RNF43: variants seen among roughly 807,000 people sequenced by gnomAD.
The protein encoded by RNF43 is E3 ubiquitin-protein ligase RNF43.
In RNF43, 37 loss-of-function variants were observed where a neutral mutation model predicts 78.4. The ratio of observed to expected loss-of-function variants is 0.47; its 90% CI spans 0.36 to 0.62. The LOEUF is 0.62. RNF43 is among the 20% of genes least tolerant of loss of function. The probability of loss-of-function intolerance (pLI) is 0.00; values close to 1 mark genes in which losing one functional copy is unlikely to be tolerated. For missense variants in RNF43, 774 were observed against 1,007.9 expected (o/e 0.77, Z 3.14); for synonymous variants, 347 against 395.0 (o/e 0.88, Z 1.44).
At chr17:58,407,960 C>T (rs1405794352) in intron 2 of RNF43, among the ~76,000 whole-genome samples, 1 of 152,182 alleles carries the variant, frequency 6.6e-6, no homozygotes, top group African/African-American at 2.4e-5. Flanking sequence ...GATGCAGTTT[C>T]ACTTCATATT....
At chr17:58,416,099 G>T (rs887418135) in intron 1 of RNF43, 137 bp from the exon 2 acceptor site, 5 of 171,654 alleles carry the variant, frequency 2.9e-5, no homozygotes, top group African/African-American at 1.2e-4. Flanking sequence ...AATGGTAAAT[G>T]ACTAAATACC....
At chr17:58,402,513 G>T (rs1260314521) in intron 2 of RNF43, 2 of 152,160 alleles carry the variant, frequency 1.3e-5, no homozygotes, top group East Asian at 3.9e-4. Context: ...ACAGGTTCCG[G>T]AAAGGCTTGG....
At chr17:58,398,431 A>G (rs1973728277) in intron 2 of RNF43, among the ~76,000 whole-genome samples, 1 of 152,238 alleles carries the variant, frequency 6.6e-6, no homozygotes, top group Non-Finnish European at 1.5e-5. Flanking sequence ...CTGGTTAATA[A>G]GCATAGCAGA....
chr17:58,395,771 A>G (rs8078280), intron 2 of RNF43, among the ~76,000 whole-genome samples: 28,268 of 152,154 alleles, frequency 0.19, 2,734 homozygotes, highest in Non-Finnish European at 0.2. Context: ...GGATGACTAT[A>G]AACATTTTAT....
chr17:58,362,117 A>C (rs1421438518), intron 6 of RNF43, among the ~76,000 whole-genome samples: 1 of 151,198 alleles, frequency 6.6e-6, no homozygotes, highest in Non-Finnish European at 1.5e-5. Context: ...AAACAAAAAA[A>C]AACCTTGTTC....
chr17:58,396,468 T>G (rs920419603), intron 2 of RNF43, among the ~76,000 whole-genome samples: 1 of 152,152 alleles, frequency 6.6e-6, no homozygotes, highest in Non-Finnish European at 1.5e-5. Flanking sequence ...GAGGTCAGAT[T>G]TAACTGTTTT....
At chr17:58,387,575 G>A (rs753814368) in intron 2 of RNF43, among the ~76,000 whole-genome samples, 6 of 151,774 alleles carry the variant, frequency 4.0e-5, no homozygotes, top group East Asian at 1.9e-4. Flanking sequence ...CAGGAGAATC[G>A]CTTGAACCTG....
chr17:58,363,923 G>T (rs556234628), intron 3 of RNF43, among the ~76,000 whole-genome samples: 1 of 152,194 alleles, frequency 6.6e-6, no homozygotes, highest in Non-Finnish European at 1.5e-5. Context: ...CACAGCTCCT[G>T]CCCTCAGGGT....
rs1414269308 is a variant in RNF43, at chr17:58,362,644, T to A, written c.587A>T (p.Asp196Val). 2.5e-6 allele frequency: 4 copies of A among 1,609,506 alleles called. No individual in the cohort carries two copies. Among genetic ancestry groups the A allele is most frequent in the South Asian group, 1.1e-5 (1 of 90,500 alleles). The change falls in exon 6 of 10, where the codon GAT becomes GTT. Residue 196 changes from aspartate to valine, a missense_variant. Physicochemically the swap from Asp to Val is radical, Grantham distance 152 (BLOSUM62 -3). Transcript: ENST00000407977. ...IELKEPPAWP[D>V]YDVWILMTVV... is the part of the protein sequence containing the mutation. ...TGTCATTAGGATCCACACATCATAA[T>A]CTGGCTGGGGAGTGAGCAGAGAGGG...
intron 2 of RNF43, among the ~76,000 whole-genome samples, chr17:58,377,573 C>A (rs1355750485): frequency 6.6e-6 from 1 of 152,148 alleles, no homozygotes; most frequent in African/African-American, 2.4e-5. Flanking sequence ...GAACTTAATG[C>A]TGGTCTCCCC....
intron 2 of RNF43, among the ~76,000 whole-genome samples, chr17:58,375,295 T>C (rs1191645505): frequency 6.6e-6 from 1 of 152,198 alleles, no homozygotes; most frequent in Non-Finnish European, 1.5e-5. Context: ...CTCTTAAACA[T>C]AGCTGAAAAG....
At chr17:58,393,015 G>C (rs992364106) in intron 2 of RNF43, among the ~76,000 whole-genome samples, 3 of 152,186 alleles carry the variant, frequency 2.0e-5, no homozygotes, top group African/African-American at 7.2e-5. Flanking sequence ...CCCTGAAACG[G>C]TAAGAACAAC....
chr17:58,375,200 TG>T (rs1440452992), intron 2 of RNF43, among the ~76,000 whole-genome samples: 2 of 152,130 alleles, frequency 1.3e-5, no homozygotes, highest in Non-Finnish European at 2.9e-5. Context: ...GCAGCCAAAG[TG>T]GTCTAAAATG....
At chr17:58,406,178 T>C (rs879334560) in intron 2 of RNF43, among the ~76,000 whole-genome samples, 3 of 152,196 alleles carry the variant, frequency 2.0e-5, no homozygotes, top group Non-Finnish European at 2.9e-5. Context: ...TGTAGTTGAC[T>C]AGGGATCAAA....
At position 58,357,806 on chromosome 17, in the gene RNF43, C is replaced by CG; in HGVS notation, c.1969dup (p.Arg657ProfsTer90). The CG allele has an allele frequency of 6.2e-7, 1 of 1,614,144 alleles. No homozygotes were observed. Among genetic ancestry groups the CG allele is most frequent in the Non-Finnish European group, 8.5e-7 (1 of 1,180,020 alleles). On this transcript the variant is annotated frameshift_variant, in exon 9 of 10. Transcript: ENST00000407977. LOFTEE classifies it high-confidence loss of function. This position sits in a 1 kb window ranked among gnomAD's most constrained non-coding sequence, Gnocchi z 4.5. ...AGGGGTGGGCTCGGAGGGACCCCCC[C>CG]GCCTTTTCCTCTGTGGGTGTCGGGC...
chr17:58,370,495 T>C (rs1158724762), intron 3 of RNF43, among the ~76,000 whole-genome samples: 2 of 152,212 alleles, frequency 1.3e-5, no homozygotes, highest in Non-Finnish European at 2.9e-5. Flanking sequence ...GGCCACCAGT[T>C]TGCAACCTCA....
intron 9 of RNF43, 136 bp from the exon 10 acceptor site, chr17:58,355,122 G>T: frequency 1.2e-6 from 1 of 812,480 alleles, no homozygotes; most frequent in Non-Finnish European, 2.1e-6. Flanking sequence ...AGGGTGGTTA[G>T]ATTGAAAGCT....
chr17:58,410,936 C>T (rs1039499176), intron 2 of RNF43, among the ~76,000 whole-genome samples: 1 of 152,112 alleles, frequency 6.6e-6, no homozygotes, highest in South Asian at 2.1e-4. Context: ...TCATCTGTGG[C>T]ATTCTTACAT....
At position 58,357,754 on chromosome 17, in the gene RNF43, C is replaced by T. The variant is rs1810797918; in HGVS notation, c.2022G>A (p.Val674=). ...GGGGAAAAATCTGGCAAGCTGGGTGCACAGTTGCATCCTGGGGCCGAGAGC... is the reference window on the plus strand; with the variant it reads ...GGGGAAAAATCTGGCAAGCTGGGTGTACAGTTGCATCCTGGGGCCGAGAGC... ...TPGSRPQDAT[V]HPACQIFPHY... is the part of the protein sequence containing the mutation. The change falls in exon 9 of 10, where the codon GTG becomes GTA. Residue 674 remains valine (V), a synonymous_variant. Coordinates refer to ENST00000407977, the MANE Select transcript of RNF43 (RefSeq NM_017763.6). This position sits in a 1 kb window ranked among gnomAD's most constrained non-coding sequence, Gnocchi z 4.5. The T allele has an allele frequency of 6.2e-7, 1 of 1,612,984 alleles. No homozygotes were observed. The highest frequency in any genetic ancestry group is 8.5e-7 in the Non-Finnish European group (1 of 1,179,474).
Sources: allele counts gnomAD v4.1 joint callset (sites outside exome capture counted in the v4.1 genomes callset), GRCh38; gene constraint gnomAD v4.1.1; non-coding constraint Gnocchi (gnomAD v3.1); transcripts MANE v1.5; gene names NCBI Gene and HGNC (gene_info 2026-07-23, HGNC 2026-07-21).